The following RIMS2 variants were observed in gnomAD, a reference collection of about 807,000 sequenced individuals.
The protein encoded by RIMS2 is regulating synaptic membrane exocytosis protein 2.
RIMS2 carries 59 observed loss-of-function variants against 174.4 expected under a neutral mutation model. The ratio of observed to expected loss-of-function variants is 0.34; its 90% confidence interval spans 0.27 to 0.42. The LOEUF (loss-of-function observed/expected upper bound fraction) is 0.42. Ranked by LOEUF, RIMS2 falls within the 10% of genes least tolerant of loss-of-function variation. The pLI, the probability that RIMS2 is intolerant of heterozygous loss-of-function variation, is 1.00. For missense variants in RIMS2, 1,620 were observed against 1,666.3 expected (o/e 0.97, Z 0.48); for synonymous variants, 606 against 572.5 (o/e 1.06, Z -0.84).
chr8:103,653,327 A>G (rs1353221526), intron 1 of RIMS2, among the ~76,000 whole-genome samples: 2 of 152,320 alleles, frequency 1.3e-5, no homozygotes, highest in East Asian at 3.9e-4. Context: ...AGATTTAAAA[A>G]CACTGTTTAA....
At chr8:103,985,999 G>C (rs901401469) in intron 16 of RIMS2, among the ~76,000 whole-genome samples, 8 of 152,114 alleles carry the variant, frequency 5.3e-5, no homozygotes. Flanking sequence ...ATTTCACTTA[G>C]ACAAGAGGAA....
At chr8:104,073,799 T>C (rs189502906) in intron 19 of RIMS2, among the ~76,000 whole-genome samples, 122 of 152,322 alleles carry the variant, frequency 8.0e-4, no homozygotes, top group African/African-American at 2.7e-3. Flanking sequence ...TTCTAGTCTT[T>C]TAGGCACCCA....
chr8:103,874,446 C>T (rs567720128), intron 3 of RIMS2, among the ~76,000 whole-genome samples: 1 of 152,162 alleles, frequency 6.6e-6, no homozygotes, highest in Admixed American at 6.6e-5. Context: ...CAACAACAGA[C>T]TTCATTACAG....
intron 8 of RIMS2, 27 bp from the exon 12 acceptor site, chr8:103,918,414 C>A: frequency 7.5e-7 from 1 of 1,338,664 alleles, no homozygotes. Context: ...CAGTTTCTGT[C>A]TTTCTTTTTT....
intron 2 of RIMS2, among the ~76,000 whole-genome samples, chr8:103,700,819 G>T (rs780870271): frequency 1.3e-5 from 2 of 151,762 alleles, no homozygotes; most frequent in Admixed American, 6.6e-5. Context: ...TTCAAGATTT[G>T]TAGAATACAT....
chr8:103,853,125 G>A (rs1322787350), intron 3 of RIMS2, among the ~76,000 whole-genome samples: 1 of 151,978 alleles, frequency 6.6e-6, no homozygotes, highest in East Asian at 1.9e-4. Flanking sequence ...TGACTGCCAT[G>A]AAATAATAAG....
At chr8:103,786,901 A>C (rs2098449293) in intron 3 of RIMS2, among the ~76,000 whole-genome samples, 1 of 151,728 alleles carries the variant, frequency 6.6e-6, no homozygotes, top group Non-Finnish European at 1.5e-5. Flanking sequence ...AATGTGTGGG[A>C]GTCTAAGTCT....
At chr8:103,523,396 T>TTGTGTGTGTC (rs1832631378) in intron 1 of RIMS2, among the ~76,000 whole-genome samples, 1 of 149,624 alleles carries the variant, frequency 6.7e-6, no homozygotes, top group Non-Finnish European at 1.5e-5. Context: ...GTGTGTGTGT[T>TTGTGTGTGTC]TGTGTGTGTC....
At chr8:103,844,126 C>T (rs1466598104) in intron 3 of RIMS2, among the ~76,000 whole-genome samples, 4 of 152,216 alleles carry the variant, frequency 2.6e-5, no homozygotes, top group South Asian at 2.1e-4. Context: ...TCCCTAGCCA[C>T]GTGGAACTGT....
chr8:104,133,849 C>A (rs1370018333), intron 19 of RIMS2, among the ~76,000 whole-genome samples: 1 of 152,100 alleles, frequency 6.6e-6, no homozygotes, highest in African/African-American at 2.4e-5. Flanking sequence ...TAGTTATACT[C>A]TTTACTGAAA....
At chr8:104,211,561 T>C (rs2099105393) in intron 19 of RIMS2, among the ~76,000 whole-genome samples, 3 of 141,158 alleles carry the variant, frequency 2.1e-5, no homozygotes, top group South Asian at 4.4e-4. Context: ...CATGACCCAA[T>C]GTGGAATTTT....
chr8:104,179,268 G>A (rs1369562549), intron 19 of RIMS2, among the ~76,000 whole-genome samples: 1 of 152,010 alleles, frequency 6.6e-6, no homozygotes, highest in East Asian at 1.9e-4. Context: ...GCAAAATGGG[G>A]ATTTTAATAG....
intron 19 of RIMS2, among the ~76,000 whole-genome samples, chr8:104,190,556 G>T (rs1196627864): frequency 6.6e-6 from 1 of 152,004 alleles, no homozygotes; most frequent in African/African-American, 2.4e-5. Context: ...TCTTTATGAT[G>T]CAAGTCTCCA....
chr8:103,654,549 T>A (rs2096498839), intron 1 of RIMS2, among the ~76,000 whole-genome samples: 1 of 152,018 alleles, frequency 6.6e-6, no homozygotes, highest in Non-Finnish European at 1.5e-5. Context: ...GCTACATTCT[T>A]CATCTTACAT....
At chr8:103,944,955 G>A (rs1416484673) in intron 14 of RIMS2, among the ~76,000 whole-genome samples, 1 of 152,030 alleles carries the variant, frequency 6.6e-6, no homozygotes, top group Non-Finnish European at 1.5e-5. Context: ...GGATGTATTA[G>A]TCATAATGGA....
chr8:104,076,981 T>C (rs1251298576), intron 19 of RIMS2, among the ~76,000 whole-genome samples: 3 of 151,652 alleles, frequency 2.0e-5, no homozygotes, highest in Admixed American at 6.6e-5. Flanking sequence ...CACACCCAGC[T>C]AATTTTTTTG....
intron 1 of RIMS2, among the ~76,000 whole-genome samples, chr8:103,638,091 T>A (rs971429275): frequency 1.3e-5 from 2 of 152,038 alleles, no homozygotes; most frequent in Non-Finnish European, 2.9e-5. Context: ...ATAGTTAGAG[T>A]TGTGTCTCTC....
intron 2 of RIMS2, among the ~76,000 whole-genome samples, chr8:103,737,133 C>T (rs992762535): frequency 6.6e-6 from 1 of 150,688 alleles, no homozygotes; most frequent in African/African-American, 2.4e-5. Flanking sequence ...TAACCAAAAA[C>T]CTCTAGGCAT....
chr8:104,231,248 A>G (rs1441508350), intron 19 of RIMS2, among the ~76,000 whole-genome samples: 1 of 151,980 alleles, frequency 6.6e-6, no homozygotes, highest in Non-Finnish European at 1.5e-5. Context: ...CTTAAACCCC[A>G]TCTTCATCTT....
Sources: allele counts gnomAD v4.1 joint callset (sites outside exome capture counted in the v4.1 genomes callset), GRCh38; gene constraint gnomAD v4.1.1; transcripts MANE v1.5; gene names NCBI Gene and HGNC (gene_info 2026-07-23, HGNC 2026-07-21).